Variants in EGF observed in about 807,000 individuals in gnomAD.
EGF encodes the protein pro-epidermal growth factor.
Under a neutral mutation model 143.8 loss-of-function variants are expected in EGF, and 95 were observed. That is an observed-to-expected ratio of 0.66 (90% CI 0.56 to 0.78). The LOEUF (loss-of-function observed/expected upper bound fraction) is 0.78, where lower values mean the gene tolerates loss of function less well. EGF is among the 30% of genes least tolerant of loss of function. The pLI is 0.00. For missense variants in EGF, 1,320 were observed against 1,470.9 expected (o/e 0.90, Z 1.68); for synonymous variants, 510 against 510.5 (o/e 1.00, Z 0.01).
At chr4:109,937,683 C>T (rs1006427284) in intron 1 of EGF, among the ~76,000 whole-genome samples, 41 of 152,210 alleles carry the variant, frequency 2.7e-4, no homozygotes, top group African/African-American at 8.9e-4. Flanking sequence ...GTGCTTCTTT[C>T]GGGAGCTCTT....
intron 18 of EGF, 127 bp downstream of exon 18, chr4:109,988,836 G>T: frequency 1.4e-6 from 2 of 1,434,634 alleles, no homozygotes; most frequent in Non-Finnish European, 9.6e-7. Context: ...GATTTAAAGA[G>T]TTGTGCGACC....
chr4:109,954,057 AT>A (rs1744379030), intron 5 of EGF, among the ~76,000 whole-genome samples: 1 of 152,074 alleles, frequency 6.6e-6, no homozygotes, highest in African/African-American at 2.4e-5. Flanking sequence ...TTATTTATTT[AT>A]TTATTTATTT....
chr4:109,960,324 T>C (rs1203807954), intron 6 of EGF, among the ~76,000 whole-genome samples: 1 of 152,190 alleles, frequency 6.6e-6, no homozygotes, highest in Non-Finnish European at 1.5e-5. Context: ...TCCCAAGGGT[T>C]ATTCTAATAT....
At chr4:109,924,134 T>G (rs965990920) in intron 1 of EGF, among the ~76,000 whole-genome samples, 13 of 151,624 alleles carry the variant, frequency 8.6e-5, no homozygotes, top group Non-Finnish European at 1.5e-5. Context: ...CGAAGGACCT[T>G]CAAGATCATT....
intron 18 of EGF, among the ~76,000 whole-genome samples, chr4:109,992,158 A>T (rs1751022194): frequency 7.1e-6 from 1 of 140,272 alleles, no homozygotes; most frequent in African/African-American, 2.7e-5. Flanking sequence ...TTAGCAACCA[A>T]GCAAGATTCT....
At chr4:110,007,537 A>G (rs1017128439) in intron 22 of EGF, among the ~76,000 whole-genome samples, 6 of 152,236 alleles carry the variant, frequency 3.9e-5, no homozygotes, top group Non-Finnish European at 5.9e-5. Context: ...CAAGTGCCCA[A>G]TCAATTTTTG....
intron 20 of EGF, among the ~76,000 whole-genome samples, chr4:109,999,237 G>A (rs1040203286): frequency 5.9e-5 from 9 of 151,972 alleles, no homozygotes; most frequent in African/African-American, 2.2e-4. Flanking sequence ...TTCTTTTATA[G>A]CCTGGTTTCA....
intron 1 of EGF, among the ~76,000 whole-genome samples, chr4:109,931,960 G>A (rs1739780902): frequency 6.6e-6 from 1 of 152,122 alleles, no homozygotes; most frequent in Non-Finnish European, 1.5e-5. Context: ...AGTTACAGAA[G>A]TTAGTGCTAT....
chr4:109,973,193 T>C (rs1250932125), intron 11 of EGF, among the ~76,000 whole-genome samples: 1 of 152,174 alleles, frequency 6.6e-6, no homozygotes, highest in Non-Finnish European at 1.5e-5. Context: ...AGAGTCATGT[T>C]TAGCATTTAA....
Position 109,921,214 on chromosome 4 carries a change from C to G in EGF, c.127+7752C>G, listed in dbSNP as rs940983995. On this transcript the variant is annotated intron_variant, in intron 1 of 23. Transcript: ENST00000265171. The stretch of plus-strand genomic sequence containing the variant: ...ATGTTCTATTTCTTAAGAGCATCTT[C>G]CAGAGCTTTCTTCTCAATTCTGGGA... 4.0e-5 allele frequency among the ~76,000 whole-genome samples: 6 copies of G among 150,776 alleles called. 1 individual carries two copies. Among genetic ancestry groups the G allele is most frequent in the Middle Eastern group, 3.4e-3 (1 of 294 alleles).
chr4:109,989,768 A>G (rs1047392263), intron 18 of EGF, among the ~76,000 whole-genome samples: 1 of 152,168 alleles, frequency 6.6e-6, no homozygotes, highest in African/African-American at 2.4e-5. Context: ...TAAACTCGTT[A>G]GGCTCTGGTT....
chr4:109,914,515 G>T (rs758954166), intron 1 of EGF, among the ~76,000 whole-genome samples: 3 of 152,180 alleles, frequency 2.0e-5, no homozygotes, highest in Non-Finnish European at 2.9e-5. Flanking sequence ...AGGAAATCAG[G>T]TGCTTTTGCT....
intron 1 of EGF, among the ~76,000 whole-genome samples, chr4:109,927,164 TA>T (rs1418264353): frequency 3.3e-5 from 5 of 152,218 alleles, no homozygotes; most frequent in Non-Finnish European, 7.3e-5. Context: ...GGGATGTAAT[TA>T]AAAAGTAAAT....
In EGF at chr4:109,968,985, T is replaced by C. The variant is rs1441353858; in HGVS notation, c.1590T>C (p.His530=). The change falls in exon 11 of 24, where the codon CAT becomes CAC. Residue 530 remains histidine (H), a synonymous_variant. Transcript: ENST00000265171. ...CTCTTTTGTAGATATACTTTGCCCA[T>C]ACAGCCCTGAAGTGGATAGAGAGAG... ...DPVENKIYFA[H]TALKWIERAN... is the part of the protein sequence containing the mutation. The C allele has an allele frequency of 1.9e-6, 3 of 1,614,094 alleles. No individual in the cohort carries two copies. Among genetic ancestry groups the C allele is most frequent in the South Asian group, 2.2e-5 (2 of 91,076 alleles).
At chr4:109,921,718 T>G (rs1042458518) in intron 1 of EGF, among the ~76,000 whole-genome samples, 1 of 151,478 alleles carries the variant, frequency 6.6e-6, no homozygotes, top group Admixed American at 6.6e-5. Context: ...ATACAGATAG[T>G]CACAACAGCA....
intron 11 of EGF, among the ~76,000 whole-genome samples, chr4:109,970,772 C>CT (rs1747486166): frequency 7.3e-6 from 1 of 136,592 alleles, no homozygotes; most frequent in Admixed American, 8.4e-5. Context: ...TTGCAGTGAG[C>CT]GGAGATCGCA....
At chr4:109,969,598 A>G (rs1372600341) in intron 11 of EGF, among the ~76,000 whole-genome samples, 1 of 151,892 alleles carries the variant, frequency 6.6e-6, no homozygotes, top group African/African-American at 2.4e-5. Flanking sequence ...AACTTAAAAT[A>G]TAATAATAAA....
chr4:109,950,457 G>A (rs1743691145), intron 5 of EGF, among the ~76,000 whole-genome samples: 2 of 152,140 alleles, frequency 1.3e-5, no homozygotes, highest in East Asian at 3.9e-4. Flanking sequence ...TAGTATCCCT[G>A]TCTCCATTTT....
chr4:109,973,999 A>T (rs1017884140), intron 11 of EGF, among the ~76,000 whole-genome samples: 3 of 152,216 alleles, frequency 2.0e-5, no homozygotes, highest in African/African-American at 7.2e-5. Flanking sequence ...AAATTAAATT[A>T]AAAATAAGAA....
Sources: allele counts gnomAD v4.1 joint callset (sites outside exome capture counted in the v4.1 genomes callset), GRCh38; gene constraint gnomAD v4.1.1; transcripts MANE v1.5; gene names NCBI Gene and HGNC (gene_info 2026-07-23, HGNC 2026-07-21).